WASF1: variants seen among roughly 807,000 people sequenced by gnomAD.
The protein encoded by WASF1 is actin-binding protein WASF1.
Under a neutral mutation model 50.5 loss-of-function variants are expected in WASF1, and 7 were observed. That is an observed-to-expected ratio of 0.14 (90% CI 0.08 to 0.26). The LOEUF is 0.26. Ranked by LOEUF, WASF1 falls within the 10% of genes least tolerant of loss-of-function variation. The probability of loss-of-function intolerance (pLI) is 1.00; values close to 1 mark genes in which losing one functional copy is unlikely to be tolerated. For missense variants in WASF1, 470 were observed against 694.7 expected (o/e 0.68, Z 3.64); for synonymous variants, 205 against 244.0 (o/e 0.84, Z 1.49).
At chr6:110,132,544 T>A (rs1332213876) in intron 3 of WASF1, among the ~76,000 whole-genome samples, 2 of 151,962 alleles carry the variant, frequency 1.3e-5, no homozygotes, top group African/African-American at 4.8e-5. Context: ...TATTATTATT[T>A]TATTTTAATA....
intron 3 of WASF1, among the ~76,000 whole-genome samples, chr6:110,134,722 G>C (rs920275147): frequency 6.6e-6 from 1 of 152,076 alleles, no homozygotes; most frequent in Non-Finnish European, 1.5e-5. Flanking sequence ...CACCGCACCC[G>C]GCCTATGTGC....
At chr6:110,169,207 A>T (rs961048848) in intron 2 of WASF1, among the ~76,000 whole-genome samples, 12 of 152,084 alleles carry the variant, frequency 7.9e-5, no homozygotes, top group Non-Finnish European at 1.6e-4. Context: ...ACACAAACTT[A>T]AACAATCAAC....
intron 3 of WASF1, among the ~76,000 whole-genome samples, chr6:110,149,085 T>C (rs1388183916): frequency 6.6e-6 from 1 of 152,146 alleles, no homozygotes; most frequent in Non-Finnish European, 1.5e-5. Flanking sequence ...ACCAAGTAAC[T>C]GGGCTCATGG....
intron 3 of WASF1, among the ~76,000 whole-genome samples, chr6:110,141,241 C>A (rs1775220237): frequency 6.6e-6 from 1 of 152,100 alleles, no homozygotes; most frequent in Admixed American, 6.5e-5. Context: ...CAAGGTTCTT[C>A]AGGATTTAGC....
intron 3 of WASF1, among the ~76,000 whole-genome samples, chr6:110,132,026 C>T (rs932521991): frequency 1.3e-5 from 2 of 152,098 alleles, no homozygotes; most frequent in Admixed American, 6.5e-5. Flanking sequence ...TTTCTATCCA[C>T]GAACATAATA....
chr6:110,126,683 A>G (rs1019796321), intron 4 of WASF1, among the ~76,000 whole-genome samples: 1 of 152,248 alleles, frequency 6.6e-6, no homozygotes, highest in Non-Finnish European at 1.5e-5. Context: ...AAAATGAAAT[A>G]TCAATGTCTT....
intron 2 of WASF1, among the ~76,000 whole-genome samples, chr6:110,161,178 T>C (rs185540755): frequency 3.3e-5 from 5 of 151,724 alleles, no homozygotes; most frequent in African/African-American, 1.2e-4. Context: ...TCAACAAATA[T>C]TTTAAGTACC....
chr6:110,134,024 C>G (rs531909678), intron 3 of WASF1, among the ~76,000 whole-genome samples: 1 of 152,224 alleles, frequency 6.6e-6, no homozygotes, highest in South Asian at 2.1e-4. Context: ...CGCTCTGTTG[C>G]CCAAGGTGGA....
At chr6:110,142,567 T>G (rs187945548) in intron 3 of WASF1, among the ~76,000 whole-genome samples, 49 of 152,276 alleles carry the variant, frequency 3.2e-4, no homozygotes, top group African/African-American at 1.1e-3. Context: ...ATTCCCATTT[T>G]AGAGCAATCC....
chr6:110,107,835 A>AT (rs1328572436), intron 6 of WASF1, among the ~76,000 whole-genome samples: 1 of 152,202 alleles, frequency 6.6e-6, no homozygotes, highest in Non-Finnish European at 1.5e-5. Flanking sequence ...CTACCTATTC[A>AT]TTATGTAAGA....
At chr6:110,160,606 C>T (rs1776223882) in intron 3 of WASF1, 29 bp downstream of exon 3, 1 of 151,608 alleles carries the variant, frequency 6.6e-6, no homozygotes, top group South Asian at 2.1e-4. Context: ...CAGGAGTTGC[C>T]ATTGAGATAC....
chr6:110,130,235 T>C (rs560800449), intron 3 of WASF1, among the ~76,000 whole-genome samples: 1 of 152,200 alleles, frequency 6.6e-6, no homozygotes, highest in African/African-American at 2.4e-5. Context: ...TACAAAATTG[T>C]ACACCTCAAA....
chr6:110,124,268 CTCTCTCT>C (rs1774309189), intron 4 of WASF1, among the ~76,000 whole-genome samples: 1 of 59,272 alleles, frequency 1.7e-5, no homozygotes, highest in African/African-American at 9.5e-5. Flanking sequence ...CTCTCTCTCT[CTCTCTCT>C]ATATATATAT....
At position 110,105,476 on chromosome 6, in the gene WASF1, T is replaced by TCAG. The variant is rs759330329; in HGVS notation, c.641_643dup (p.Ala214dup). The stretch of plus-strand genomic sequence containing the variant: ...CTTATGTAAGAGATTAGCATCATCT[T>TCAG]CAGCCAGCTCTGGACCTTGGGCCAG... On this transcript the variant is annotated inframe_insertion, in exon 8 of 11. Coordinates refer to ENST00000392589, the MANE Select transcript of WASF1 (RefSeq NM_003931.3). The TCAG allele has an allele frequency of 6.2e-7, 1 of 1,614,068 alleles. No individual in the cohort carries two copies. The highest frequency in any genetic ancestry group is 1.7e-5 in the Admixed American group (1 of 60,014).
At chr6:110,127,079 A>AAT (rs1415098388) in intron 4 of WASF1, among the ~76,000 whole-genome samples, 294 of 152,202 alleles carry the variant, frequency 1.9e-3, no homozygotes, top group African/African-American at 6.7e-3. Context: ...AAACTAATTA[A>AAT]ATATATATAT....
At chr6:110,162,432 A>G (rs527565417) in intron 2 of WASF1, among the ~76,000 whole-genome samples, 1 of 150,982 alleles carries the variant, frequency 6.6e-6, no homozygotes, top group South Asian at 2.1e-4. Context: ...AAAACTAGAT[A>G]AAGACAAGGC....
chr6:110,170,868 C>T (rs1354091945), intron 2 of WASF1, among the ~76,000 whole-genome samples: 5 of 151,998 alleles, frequency 3.3e-5, no homozygotes, highest in African/African-American at 1.2e-4. Context: ...CATTGCATTA[C>T]GATAAAGGGG....
intron 4 of WASF1, among the ~76,000 whole-genome samples, chr6:110,117,346 C>G (rs1773859267): frequency 6.6e-6 from 1 of 152,040 alleles, no homozygotes; most frequent in African/African-American, 2.4e-5. Flanking sequence ...AACCATGGCA[C>G]AAAAACTTTG....
Position 110,105,610 on chromosome 6 carries a change from T to C in WASF1, c.541-31A>G, listed in dbSNP as rs372562524. The C allele has an allele frequency of 3.1e-6, 5 of 1,600,014 alleles. No individual in the cohort carries two copies. The African/African-American group carries it at 6.7e-5, about 22-fold the overall frequency. On this transcript the variant is annotated intron_variant, in intron 7 of 10. Coordinates refer to ENST00000392589, the MANE Select transcript of WASF1 (RefSeq NM_003931.3). ...ACAGATGTATTGAAACAAAGTCAAATGCTTAAGCGCTAATTTTTAAAAAGG... is the reference window on the plus strand; with the variant it reads ...ACAGATGTATTGAAACAAAGTCAAACGCTTAAGCGCTAATTTTTAAAAAGG...
Sources: gnomAD v4.1 joint callset for allele counts (sites outside exome capture counted in the v4.1 genomes callset) on GRCh38, gnomAD v4.1.1 for gene constraint, MANE v1.5 for transcripts, NCBI Gene and HGNC (gene_info 2026-07-23, HGNC 2026-07-21) for gene names.